Variants in CEP290 observed in about 807,000 individuals in gnomAD.
CEP290 encodes centrosomal protein 290, also known as centrosomal protein of 290 kDa.
Under a neutral mutation model 344.9 loss-of-function variants are expected in CEP290, and 317 were observed. The ratio of observed to expected loss-of-function variants is 0.92; its 90% confidence interval spans 0.84 to 1.01. The LOEUF (loss-of-function observed/expected upper bound fraction) is 1.01, where lower values mean the gene tolerates loss of function less well. CEP290 is among the 50% of genes least tolerant of loss of function. CEP290 has a pLI of 0.00. For missense variants in CEP290, 2,754 were observed against 2,761.4 expected, an observed-to-expected ratio of 1.00 and a Z score of 0.06; for synonymous variants, 932 against 895.8, an observed-to-expected ratio of 1.04 and a Z score of -0.72.
intron 6 of CEP290, chr12:88,136,403 G>A (rs2040354717): frequency 2.3e-6 from 1 of 431,092 alleles, no homozygotes; most frequent in Non-Finnish European, 4.1e-6. Context: ...CAAGTTTGAT[G>A]TCCTGAGAAA....
intron 26 of CEP290, among the ~76,000 whole-genome samples, chr12:88,100,322 C>T (rs1157017458): frequency 6.6e-6 from 1 of 151,760 alleles, no homozygotes; most frequent in Non-Finnish European, 1.5e-5. Context: ...CCTCAATCTA[C>T]ATCTATTTCT....
chr12:88,117,136 G>T lies in CEP290; in HGVS notation c.1721C>A (p.Thr574Asn). 6.6e-7 allele frequency: 1 copy of T among 1,513,660 alleles called. No homozygotes were observed. Among genetic ancestry groups the T allele is most frequent in the Non-Finnish European group, 9.0e-7 (1 of 1,108,866 alleles). 93.8% of individuals were successfully genotyped at this position (1,513,660 alleles called of 1,614,324 possible). ...GTTTTCAGTTAGGTTCAGGTCCTCA[G>T]TGGTTAATCCTATATATAAGAGAAT... Reference protein sequence around the residue: ...GKRSATSGLTTEDLNLTENIS... With the variant: ...GKRSATSGLTNEDLNLTENIS... The change falls in exon 18 of 54, where the codon ACT becomes AAT. Residue 574 changes from threonine (T) to asparagine (N), a missense_variant. Transcript: ENST00000552810.
At chr12:88,131,554 T>G (rs2040074427) in intron 6 of CEP290, among the ~76,000 whole-genome samples, 1 of 152,138 alleles carries the variant, frequency 6.6e-6, no homozygotes, top group African/African-American at 2.4e-5. Flanking sequence ...TGAGCCACTG[T>G]GCCTGGCCAT....
At chr12:88,101,714 A>G (rs1220320247) in intron 26 of CEP290, among the ~76,000 whole-genome samples, 1 of 151,984 alleles carries the variant, frequency 6.6e-6, no homozygotes, top group East Asian at 1.9e-4. Context: ...TGGGAAAATG[A>G]TAACGTTAAA....
At chr12:88,050,273 A>G (rs1213043209) in intron 53 of CEP290, 81 bp downstream of exon 53, 11 of 688,834 alleles carry the variant, frequency 1.6e-5, no homozygotes, top group Non-Finnish European at 2.5e-5. Flanking sequence ...ATTTTTTAGG[A>G]TACGTAGTTA....
At chr12:88,053,578 CAAAAAAA>C (rs372674637) in intron 52 of CEP290, 67 bp downstream of exon 52, 4 of 568,300 alleles carry the variant, frequency 7.0e-6, no homozygotes, top group East Asian at 6.1e-5. Context: ...AAATCTGAGC[CAAAAAAA>C]AAAAAAAAAG....
intron 41 of CEP290, among the ~76,000 whole-genome samples, chr12:88,072,988 T>A (rs896973794): frequency 1.3e-5 from 2 of 152,052 alleles, no homozygotes; most frequent in Admixed American, 1.3e-4. Flanking sequence ...GGGGTAGGTG[T>A]CATGGTTTAT....
intron 41 of CEP290, among the ~76,000 whole-genome samples, chr12:88,072,369 A>C (rs186493578): frequency 4.7e-4 from 71 of 152,250 alleles, no homozygotes; most frequent in African/African-American, 1.5e-3. Flanking sequence ...TTGGTGCTCA[A>C]AAAATTTTGT....
chr12:88,126,338 C>T lies in CEP290; in HGVS notation c.1043G>A (p.Ser348Asn). 2.0e-6 allele frequency: 3 copies of T among 1,489,838 alleles called. No homozygotes were observed. In the Admixed American group the frequency reaches 8.0e-5, roughly 40 times the overall value. The allele number at this position is 1,489,838 out of a possible 1,614,324, so 92.3% of individuals were successfully genotyped here. A position where few individuals can be genotyped will look rare whatever the true frequency, so the allele number is the denominator to read the frequency against. ...LKNAQLDADK[S>N]NVMALQQGIQ... Reference sequence around the variant, plus strand: ...TACCTGCTGTAGAGCCATAACATTACTTTTATCAGCATCAAGCTGAGCATT... The same window carrying T: ...TACCTGCTGTAGAGCCATAACATTATTTTTATCAGCATCAAGCTGAGCATT... The change falls in exon 12 of 54, where the codon AGT becomes AAT. Residue 348 changes from serine (S) to asparagine (N), a missense_variant. Ser to Asn is a conservative substitution (Grantham distance 46, BLOSUM62 1). Coordinates refer to ENST00000552810, the MANE Select transcript of CEP290 (RefSeq NM_025114.4).
intron 20 of CEP290, among the ~76,000 whole-genome samples, chr12:88,113,714 T>C (rs2038852785): frequency 6.6e-6 from 1 of 151,976 alleles, no homozygotes; most frequent in South Asian, 2.1e-4. Context: ...CTGAATCCTG[T>C]GAAATTCTCA....
At chr12:88,115,399 T>C (rs1423508654) in intron 18 of CEP290, 3 of 941,332 alleles carry the variant, frequency 3.2e-6, no homozygotes, top group African/African-American at 1.7e-5. Flanking sequence ...CCAACATCCA[T>C]GGTAAGAGGC....
chr12:88,105,596 G>A (rs2038215028), intron 25 of CEP290, among the ~76,000 whole-genome samples: 2 of 152,104 alleles, frequency 1.3e-5, no homozygotes, highest in Non-Finnish European at 2.9e-5. Flanking sequence ...TTAATAATTG[G>A]GTTAGGCAAC....
intron 44 of CEP290, 113 bp downstream of exon 44, chr12:88,068,409 A>G (rs539541528): frequency 1.8e-5 from 11 of 622,730 alleles, no homozygotes; most frequent in African/African-American, 1.7e-4. Flanking sequence ...TTACTGTATT[A>G]CTATTAATGA....
In CEP290 at chr12:88,121,005, A is replaced by T; in HGVS notation, c.1351T>A (p.Tyr451Asn). The T allele has an allele frequency of 1.2e-6, 2 of 1,609,644 alleles. No homozygotes were observed. The highest frequency in any genetic ancestry group is 1.7e-6 in the Non-Finnish European group (2 of 1,178,786). Residue 451 changes from tyrosine to asparagine, a missense_variant, in exon 14 of 54, where the codon TAT (tyrosine) becomes AAT (asparagine). Coordinates refer to ENST00000552810, the MANE Select transcript of CEP290 (RefSeq NM_025114.4). Reference sequence around the variant, plus strand: ...AAGATAAAAATACATACCGATTCATAATCTTTTAACCTCTTCAGAGCCTCA... The same window carrying T: ...AAGATAAAAATACATACCGATTCATTATCTTTTAACCTCTTCAGAGCCTCA... ...LVEALKRLKDYESGVYGLEDA... is the reference protein window; with the variant it reads ...LVEALKRLKDNESGVYGLEDA...
Position 88,111,846 on chromosome 12 carries a change from T to C in CEP290, c.2065A>G (p.Lys689Glu). 2 of 1,591,884 alleles carry C rather than the reference T, an allele frequency of 1.3e-6. No individual in the cohort carries two copies. Among genetic ancestry groups the C allele is most frequent in the Non-Finnish European group, 8.6e-7 (1 of 1,169,422 alleles). ...GCATCAAAGATTCCTTCTGCATTCT[T>C]TGATTCTATAGCCTAGCAAATTTAT... ...LERLVNAIES[K>E]NAEGIFDASL... The change falls in exon 21 of 54, where the codon AAG becomes GAG. Residue 689 changes from lysine to glutamate, a missense_variant. Physicochemically the swap from Lys to Glu is moderately conservative, Grantham distance 56. Transcript: ENST00000552810.
At chr12:88,076,441 A>C (rs1023110425) in intron 41 of CEP290, among the ~76,000 whole-genome samples, 1 of 152,126 alleles carries the variant, frequency 6.6e-6, no homozygotes, top group Non-Finnish European at 1.5e-5. Context: ...TTTTATAATA[A>C]AAATTTTCCT....
chr12:88,126,561 G>A (rs2039745026), intron 11 of CEP290, 123 bp from the exon 12 acceptor site: 2 of 596,476 alleles, frequency 3.4e-6, no homozygotes, highest in South Asian at 8.0e-5. Context: ...TATTTGAAAT[G>A]AGAAAGTATG....
intron 20 of CEP290, among the ~76,000 whole-genome samples, 173 bp from the exon 21 acceptor site, chr12:88,112,031 A>C (rs141496363): frequency 3.3e-4 from 50 of 152,274 alleles, no homozygotes; most frequent in Non-Finnish European, 6.5e-4. Flanking sequence ...TAAAACTTTC[A>C]TTTACATTAC....
chr12:88,101,043 A>G (rs2037832340), intron 26 of CEP290, among the ~76,000 whole-genome samples: 6 of 152,126 alleles, frequency 3.9e-5, no homozygotes, highest in Admixed American at 3.9e-4. Context: ...GTCACAGGGT[A>G]GGATTCATGT....
Sources: allele counts gnomAD v4.1 joint callset (sites outside exome capture counted in the v4.1 genomes callset), GRCh38; gene constraint gnomAD v4.1.1; transcripts MANE v1.5; gene names NCBI Gene and HGNC (gene_info 2026-07-23, HGNC 2026-07-21).